AATK: variants seen among roughly 807,000 people sequenced by gnomAD.
AATK encodes serine/threonine-protein kinase LMTK1.
In AATK, 91 loss-of-function variants were observed where a neutral mutation model predicts 114.3. The observed-to-expected ratio is 0.80, with a 90% confidence interval of 0.67 to 0.95. The LOEUF (loss-of-function observed/expected upper bound fraction) is 0.95. Ranked by LOEUF, AATK falls within the 40% of genes least tolerant of loss-of-function variation. AATK has a pLI of 0.00. For missense variants in AATK, 2,176 were observed against 1,965.2 expected, an observed-to-expected ratio of 1.11 and a Z score of -2.03; for synonymous variants, 1,075 against 916.5, an observed-to-expected ratio of 1.17 and a Z score of -3.12.
chr17:81,119,261 C>CGGGGCCGGGAAGGAGCGGGGCCGGGCA, intron 13 of AATK, 119 bp downstream of exon 13: 1 of 1,082,444 alleles, frequency 9.2e-7, no homozygotes, highest in Non-Finnish European at 1.2e-6. Flanking sequence ...CGGGAAGGAG[C>CGGGGCCGGGAAGGAGCGGGGCCGGGCA]GGAGCGGAGC....
At position 81,121,362 on chromosome 17, in the gene AATK, A is replaced by G. The variant is rs2146286543; in HGVS notation, c.2574T>C (p.Ser858=). The G allele has an allele frequency of 6.2e-7, 1 of 1,611,502 alleles. No homozygotes were observed. Among genetic ancestry groups the G allele is most frequent in the East Asian group, 2.2e-5 (1 of 44,856 alleles). The change falls in exon 11 of 14, where the codon AGT becomes AGC. Residue 858 remains serine (S), a synonymous_variant. Coordinates refer to ENST00000326724, the MANE Select transcript of AATK (RefSeq NM_001080395.3). Reference sequence around the variant, plus strand: ...TGGCCTCGGCCGTGTCCTCATCCTCACTGCTGGGTGCCTCCACCTCGGGAG... The same window carrying G: ...TGGCCTCGGCCGTGTCCTCATCCTCGCTGCTGGGTGCCTCCACCTCGGGAG... ...SSSPEVEAPS[S]EDEDTAEATS... is the part of the protein sequence containing the mutation.
intron 3 of AATK, among the ~76,000 whole-genome samples, chr17:81,130,074 G>A (rs2060905994): frequency 6.6e-6 from 1 of 152,234 alleles, no homozygotes; most frequent in Non-Finnish European, 1.5e-5. Context: ...GCCAGGCACA[G>A]TTCATAGCCA....
chr17:81,160,375 C>A (rs1378748760), intron 1 of AATK: 1 of 453,510 alleles, frequency 2.2e-6, no homozygotes, highest in East Asian at 1.6e-4. Context: ...CGGAGGGAGG[C>A]TGGAGACCCG....
chr17:81,162,074 C>G (rs1003150946), intron 1 of AATK, among the ~76,000 whole-genome samples: 2 of 152,046 alleles, frequency 1.3e-5, no homozygotes, highest in Middle Eastern at 3.2e-3. Flanking sequence ...GGCCTCACAC[C>G]CACCCCCTCC....
intron 1 of AATK, among the ~76,000 whole-genome samples, chr17:81,144,193 C>T (rs527297618): frequency 9.2e-5 from 14 of 152,338 alleles, no homozygotes; most frequent in African/African-American, 2.9e-4. Flanking sequence ...CAACAGCCAG[C>T]GTCTCTTGCA....
chr17:81,150,654 C>G (rs1176868580), intron 1 of AATK, among the ~76,000 whole-genome samples: 1 of 151,648 alleles, frequency 6.6e-6, no homozygotes. Context: ...CTCTGGGGAC[C>G]TGAGGCTCCC....
In AATK at chr17:81,120,633, G is replaced by C. The variant is rs1429277377; in HGVS notation, c.3303C>G (p.Phe1101Leu). The change falls in exon 11 of 14, where the codon TTC becomes TTG. Residue 1101 changes from phenylalanine to leucine, a missense_variant. By Grantham distance (22) the Phe-to-Leu change is conservative (BLOSUM62 0). Coordinates refer to ENST00000326724, the MANE Select transcript of AATK (RefSeq NM_001080395.3). ...ATCTCAGCGGAACCGGGGTCAGCAG[G>C]AAAAACTGGGAGCAGCTGGGGCTGG... ...PGPSPSCSQF[F>L]LLTPVPLRSE... 1.2e-5 allele frequency: 19 copies of C among 1,537,036 alleles called. No individual in the cohort carries two copies. The highest frequency in any genetic ancestry group is 1.4e-5 in the Non-Finnish European group (16 of 1,146,142).
intron 1 of AATK, among the ~76,000 whole-genome samples, chr17:81,138,695 A>T (rs1384986848): frequency 6.7e-6 from 1 of 148,792 alleles, no homozygotes; most frequent in African/African-American, 2.5e-5. Flanking sequence ...ACACACACCC[A>T]AGCACGCAGA....
chr17:81,140,019 A>T (rs2061099218), intron 1 of AATK, among the ~76,000 whole-genome samples: 1 of 152,004 alleles, frequency 6.6e-6, no homozygotes, highest in African/African-American at 2.4e-5. Context: ...GGATGACTCT[A>T]TTTCTTTTTG....
intron 1 of AATK, among the ~76,000 whole-genome samples, chr17:81,143,874 C>T (rs1025646552): frequency 4.6e-5 from 7 of 152,242 alleles, no homozygotes; most frequent in East Asian, 3.8e-4. Flanking sequence ...CCCGTGGGTG[C>T]GGGCGTGACC....
chr17:81,138,465 C>CACACA (rs774078193), intron 1 of AATK, among the ~76,000 whole-genome samples: 3 of 110,604 alleles, frequency 2.7e-5, no homozygotes, highest in African/African-American at 1.0e-4. Context: ...GCACACACAC[C>CACACA]CACCCACATG....
At chr17:81,143,477 ACGCAGCCCC>A (rs1246582261) in intron 1 of AATK, among the ~76,000 whole-genome samples, 1 of 60,342 alleles carries the variant, frequency 1.7e-5, no homozygotes, top group Non-Finnish European at 3.4e-5. Context: ...CCTTGTGTCC[ACGCAGCCCC>A]TGCCTCCCGT....
rs1278255814 is a variant in AATK, at chr17:81,138,787, G to A, written c.56-4286C>T. On this transcript the variant is annotated intron_variant, in intron 1 of 13. Transcript: ENST00000326724. ...CACCCACATGCACGCACACACCCATGTGCACACAATACCCACTTGCGCGTG... is the reference window on the plus strand; with the variant it reads ...CACCCACATGCACGCACACACCCATATGCACACAATACCCACTTGCGCGTG... Among the ~76,000 whole-genome samples, 12 of 72,864 alleles carry A rather than the reference G, an allele frequency of 1.6e-4. No homozygotes were observed. The Admixed American group carries it at 1.8e-3, about 11-fold the overall frequency. 47.8% of individuals were successfully genotyped at this position (72,864 alleles called of 152,430 possible). A position where few individuals can be genotyped will look rare whatever the true frequency, so the allele number is the denominator to read the frequency against.
chr17:81,142,073 AG>A (rs2061148030), intron 1 of AATK, among the ~76,000 whole-genome samples: 1 of 151,606 alleles, frequency 6.6e-6, no homozygotes, highest in Admixed American at 6.6e-5. Flanking sequence ...CTCCCACCTC[AG>A]CCCCCCAAGT....
At chr17:81,159,842 C>T (rs1007477895) in intron 1 of AATK, among the ~76,000 whole-genome samples, 1 of 152,090 alleles carries the variant, frequency 6.6e-6, no homozygotes, top group Non-Finnish European at 1.5e-5. Context: ...CCCAGCCTGG[C>T]TCCCCCAGGC....
intron 2 of AATK, among the ~76,000 whole-genome samples, chr17:81,132,306 G>A (rs1280666643): frequency 1.3e-5 from 2 of 152,228 alleles, no homozygotes; most frequent in African/African-American, 4.8e-5. Flanking sequence ...TGAGTCCGAG[G>A]ACAGGCAGGT....
At position 81,122,477 on chromosome 17, in the gene AATK, C is replaced by A; in HGVS notation, c.1459G>T (p.Ala487Ser). The change falls in exon 11 of 14, where the codon GCG (alanine) becomes TCG (serine). Residue 487 changes from alanine to serine, a missense_variant. This residue lies in a region of AATK where 1,701 missense variants were observed against 1,394.7 expected (regional missense o/e 1.22). Transcript: ENST00000326724. ...FEYKWEAGRG[A>S]EAFPATLSPG... is the part of the protein sequence containing the mutation. ...CTCAGCGTGGCCGGGAAGGCCTCCG[C>A]GCCGCGGCCCGCCTCCCACTTGTAC... 1.4e-6 allele frequency: 2 copies of A among 1,454,026 alleles called. No individual in the cohort carries two copies. The highest frequency in any genetic ancestry group is 1.3e-5 in the South Asian group (1 of 78,574). 90.1% of individuals were successfully genotyped at this position (1,454,026 alleles called of 1,614,324 possible).
chr17:81,137,702 C>T (rs528807740), intron 1 of AATK, among the ~76,000 whole-genome samples: 109 of 152,222 alleles, frequency 7.2e-4, no homozygotes, highest in Admixed American at 1.2e-3. Flanking sequence ...ACATGAAACA[C>T]ACATGCACAC....
intron 1 of AATK, among the ~76,000 whole-genome samples, chr17:81,143,818 G>A (rs2146368426): frequency 1.3e-5 from 2 of 152,334 alleles, no homozygotes; most frequent in East Asian, 3.9e-4. Flanking sequence ...TGCCTGCCCG[G>A]GGCTCCAGGC....
Sources: allele counts gnomAD v4.1 joint callset (sites outside exome capture counted in the v4.1 genomes callset), GRCh38; gene constraint gnomAD v4.1.1; regional missense constraint gnomAD v4.1.1; transcripts MANE v1.5; gene names NCBI Gene and HGNC (gene_info 2026-07-23, HGNC 2026-07-21).